Variants in TTC34 observed in about 807,000 individuals in gnomAD.
TTC34 encodes the protein tetratricopeptide repeat protein 34.
TTC34 carries 44 observed loss-of-function variants against 40.7 expected under a neutral mutation model. The ratio of observed to expected loss-of-function variants is 1.08; its 90% CI spans 0.85 to 1.39. The LOEUF (loss-of-function observed/expected upper bound fraction) is 1.39, where lower values mean the gene tolerates loss of function less well. TTC34 is among the 40% of genes most tolerant of loss of function. The pLI, the probability that TTC34 is intolerant of heterozygous loss-of-function variation, is 0.00. For synonymous variants in TTC34, 422 were observed against 398.6 expected (o/e 1.06, Z -0.70); for missense variants, 884 against 838.0 (o/e 1.05, Z -0.68).
intron 6 of TTC34, among the ~76,000 whole-genome samples, chr1:2,691,102 T>C (rs370109805): frequency 8.2e-4 from 34 of 41,538 alleles, no homozygotes; most frequent in East Asian, 1.9e-3. Flanking sequence ...CACCCACACC[T>C]TCAGGTGAGC....
At chr1:2,794,994 C>T (rs1347615507) in intron 2 of TTC34, among the ~76,000 whole-genome samples, 1 of 151,846 alleles carries the variant, frequency 6.6e-6, no homozygotes, top group Non-Finnish European at 1.5e-5. Context: ...GCAGTTATTT[C>T]AGCTAACTAT....
intron 6 of TTC34, among the ~76,000 whole-genome samples, chr1:2,692,119 C>G (rs201243712): frequency 6.2e-3 from 348 of 56,254 alleles, no homozygotes; most frequent in African/African-American, 6.8e-3. Context: ...AGGCGAGCAT[C>G]TGACAGCCTG....
At chr1:2,782,635 C>T (rs963841034) in intron 6 of TTC34, among the ~76,000 whole-genome samples, 1 of 152,130 alleles carries the variant, frequency 6.6e-6, no homozygotes, top group South Asian at 2.1e-4. Flanking sequence ...ATACATTTCC[C>T]CCTCAGGATT....
intron 8 of TTC34, among the ~76,000 whole-genome samples, chr1:2,643,199 G>A (rs1047441308): frequency 4.6e-5 from 7 of 152,246 alleles, no homozygotes; most frequent in Non-Finnish European, 8.8e-5. Flanking sequence ...GGGCCGCGCA[G>A]GCGCAGTGCC....
At chr1:2,687,517 C>T (rs1333670030) in intron 6 of TTC34, among the ~76,000 whole-genome samples, 1 of 146,490 alleles carries the variant, frequency 6.8e-6, no homozygotes, top group Non-Finnish European at 1.5e-5. Context: ...CCTTGAGCAG[C>T]ACCCACACCC....
In TTC34 at chr1:2,691,289, G is replaced by T. The variant is rs374954762; in HGVS notation, c.2227-45726C>A. Reference sequence around the variant, plus strand: ...CCAGGTGAGAATCCGACAGCCTGGAGCAGCACCCACAACCCCAGGCGAGCA... The same window carrying T: ...CCAGGTGAGAATCCGACAGCCTGGATCAGCACCCACAACCCCAGGCGAGCA... On this transcript the variant is annotated intron_variant, in intron 6 of 8. Transcript: ENST00000401095. Among the ~76,000 whole-genome samples the T allele has an allele frequency of 1.3e-4, 7 of 52,830 alleles. 1 individual carries two copies. Among genetic ancestry groups the T allele is most frequent in the Admixed American group, 1.1e-3 (6 of 5,446 alleles). The allele number at this position is 52,830 out of a possible 152,430, so 34.7% of individuals were successfully genotyped here. A position where few individuals can be genotyped will look rare whatever the true frequency, so the allele number is the denominator to read the frequency against.
At chr1:2,641,104 A>C in exon 9 of TTC34, 5 of 124,012 alleles carry the variant, frequency 4.0e-5, no homozygotes, top group East Asian at 1.5e-4. Flanking sequence ...AGGGCTGGGA[A>C]GGTGGTGTGG....
intron 6 of TTC34, among the ~76,000 whole-genome samples, chr1:2,769,579 G>A (rs1641969934): frequency 8.7e-6 from 1 of 115,132 alleles, no homozygotes; most frequent in Non-Finnish European, 1.7e-5. Context: ...TCCTGGAACA[G>A]CACCCCACAC....
intron 6 of TTC34, among the ~76,000 whole-genome samples, chr1:2,768,092 G>A (rs1416671944): frequency 4.0e-5 from 6 of 151,432 alleles, no homozygotes; most frequent in African/African-American, 1.5e-4. Flanking sequence ...ACATCCCCAG[G>A]TAAGTGTCTG....
chr1:2,773,904 A>C (rs1200644056), intron 6 of TTC34: 4 of 116,700 alleles, frequency 3.4e-5, no homozygotes, highest in African/African-American at 1.5e-4. Context: ...CCACTCTTCC[A>C]GGTGAGAATC....
At chr1:2,637,916 A>G (rs1196980620) in exon 9 of TTC34, 1 of 152,210 alleles carries the variant, frequency 6.6e-6, no homozygotes, top group African/African-American at 2.4e-5. Context: ...GTGGGAAGGA[A>G]CTGGATGCTG....
chr1:2,684,315 C>A (rs28628627), intron 6 of TTC34, among the ~76,000 whole-genome samples: 65 of 136,720 alleles, frequency 4.8e-4, no homozygotes, highest in Middle Eastern at 3.7e-3. Flanking sequence ...GGCACCCACA[C>A]CCCCAAGTGA....
chr1:2,692,502 C>T (rs1252361987), intron 6 of TTC34, among the ~76,000 whole-genome samples: 1 of 62,808 alleles, frequency 1.6e-5, no homozygotes, highest in African/African-American at 5.7e-5. Context: ...CAGCAGCCTG[C>T]ACCCCCAGGT....
chr1:2,642,005 G>T (rs1000331902), intron 8 of TTC34, 110 bp from the exon 9 acceptor site: 1 of 1,223,352 alleles, frequency 8.2e-7, no homozygotes, highest in Non-Finnish European at 1.1e-6. Flanking sequence ...TGGCTCCCTG[G>T]GGATGGCGGG....
chr1:2,781,608 A>T (rs1569949912), intron 6 of TTC34, among the ~76,000 whole-genome samples: 1 of 152,346 alleles, frequency 6.6e-6, no homozygotes, highest in East Asian at 1.9e-4. Context: ...TCCTGATCTT[A>T]GAGGAAAAAC....
rs1042224904 is a variant in TTC34 at position 2,785,990 on chromosome 1, C to T, written c.1888G>A (p.Ala630Thr). 21 of 1,498,066 alleles carry T rather than the reference C, an allele frequency of 1.4e-5. No individual in the cohort carries two copies. The African/African-American group carries it at 1.8e-4, about 13-fold the overall frequency. The allele number at this position is 1,498,066 out of a possible 1,614,324, so 92.8% of individuals were successfully genotyped here. ...ACGTCCAGGGTGGGCTGGAGGCAGG[C>T]GGTGTCACCAGACTGGACCAGCTTC... Residue 630 changes from alanine to threonine, a missense_variant, in exon 5 of 9, where the codon GCC becomes ACC. Ala to Thr is a moderately conservative substitution (Grantham distance 58, BLOSUM62 0). Coordinates refer to ENST00000401095, the Ensembl canonical transcript of TTC34.
In TTC34 at chr1:2,752,621, G is replaced by C. The variant is rs1293192541; in HGVS notation, c.2226+30988C>G. Among the ~76,000 whole-genome samples, 3 of 116,532 alleles carry C rather than the reference G, an allele frequency of 2.6e-5. 1 individual carries two copies. The highest frequency in any genetic ancestry group is 1.2e-4 in the African/African-American group (3 of 25,610). 76.4% of individuals were successfully genotyped at this position (116,532 alleles called of 152,430 possible). On this transcript the variant is annotated intron_variant, in intron 6 of 8. Transcript: ENST00000401095. ...TGGAACAGGACAAACACCCCCAGGC[G>C]AGCATCTGACACCCTGGAACTGCAC...
chr1:2,787,172 T>G (rs1274369503), intron 4 of TTC34, among the ~76,000 whole-genome samples: 1 of 152,210 alleles, frequency 6.6e-6, no homozygotes, highest in African/African-American at 2.4e-5. Flanking sequence ...AGTCGGTTCC[T>G]GGCCCTTATG....
rs1166712232 is a variant in TTC34, at chr1:2,755,956, G to C, written c.2226+27653C>G. The stretch of plus-strand genomic sequence containing the variant: ...GCAGCACCCTGCACCCCCAGGTGAG[G>C]ATCTGACAGCCTGGAACAGCACCCT... On this transcript the variant is annotated intron_variant, in intron 6 of 8. Transcript: ENST00000401095. Among the ~76,000 whole-genome samples, 74 of 32,536 alleles carry C rather than the reference G, an allele frequency of 2.3e-3. 1 individual carries two copies. Among genetic ancestry groups the C allele is most frequent in the East Asian group, 4.4e-3 (3 of 678 alleles). 21.3% of individuals were successfully genotyped at this position (32,536 alleles called of 152,430 possible).
Sources: allele counts gnomAD v4.1 joint callset (sites outside exome capture counted in the v4.1 genomes callset), GRCh38; gene constraint gnomAD v4.1.1; transcripts MANE v1.5; gene names NCBI Gene and HGNC (gene_info 2026-07-23, HGNC 2026-07-21).